Variants in INPP5F observed in about 807,000 individuals in gnomAD.
INPP5F encodes inositol polyphosphate-5-phosphatase F, also known as phosphatidylinositide 4-phosphatase SAC2.
INPP5F carries 97 observed loss-of-function variants against 137.2 expected under a neutral mutation model. The observed-to-expected ratio is 0.71, with a 90% confidence interval of 0.60 to 0.84. The LOEUF is 0.84. Among genes scored for constraint, INPP5F ranks in the 40% least tolerant of loss-of-function variants. The pLI is 0.00. For missense variants in INPP5F, 1,271 were observed against 1,371.9 expected, an observed-to-expected ratio of 0.93 and a Z score of 1.16; for synonymous variants, 504 against 476.9, an observed-to-expected ratio of 1.06 and a Z score of -0.74.
chr10:119,775,744 G>A (rs1175465830), intron 2 of INPP5F, among the ~76,000 whole-genome samples: 1 of 152,094 alleles, frequency 6.6e-6, no homozygotes, highest in African/African-American at 2.4e-5. Flanking sequence ...GGTGGATTTG[G>A]TTTGATTATA....
chr10:119,791,758 A>G (rs1273883053), intron 4 of INPP5F, 111 bp from the exon 5 acceptor site: 54 of 1,306,486 alleles, frequency 4.1e-5, no homozygotes, highest in Non-Finnish European at 4.9e-5. Context: ...TTGAAGCACC[A>G]TCTCCTTATG....
chr10:119,810,450 ATTACTCAGG>A (rs1309248261), intron 14 of INPP5F, among the ~76,000 whole-genome samples: 1 of 152,202 alleles, frequency 6.6e-6, no homozygotes, highest in Non-Finnish European at 1.5e-5. Context: ...TTGTCAGTTT[ATTACTCAGG>A]TAATAGAAAG....
intron 1 of INPP5F, among the ~76,000 whole-genome samples, chr10:119,730,570 T>C (rs1376520409): frequency 2.6e-5 from 4 of 152,216 alleles, no homozygotes; most frequent in African/African-American, 4.8e-5. Context: ...TATGGTCTTA[T>C]CTCTTTGGTC....
chr10:119,794,166 C>A (rs1239826059), intron 6 of INPP5F, among the ~76,000 whole-genome samples: 1 of 151,858 alleles, frequency 6.6e-6, no homozygotes, highest in Non-Finnish European at 1.5e-5. Context: ...GACCCTGCGG[C>A]CTTCCGCAGT....
rs1851857169 is a variant in INPP5F at position 119,828,377 on chromosome 10, C to G, written c.*597C>G. Reference sequence around the variant, plus strand: ...TCTACTTGAACACATTAAAAATACTCTGCTGCCTATACAATGTAAACCTAG... The same window carrying G: ...TCTACTTGAACACATTAAAAATACTGTGCTGCCTATACAATGTAAACCTAG... On this transcript the variant is annotated 3_prime_UTR_variant, in exon 20 of 20. Transcript: ENST00000650623. 1 of 152,600 alleles carries G rather than the reference C, an allele frequency of 6.6e-6. No homozygotes were observed. Among genetic ancestry groups the G allele is most frequent in the African/African-American group, 2.4e-5 (1 of 41,432 alleles). 9.5% of individuals were successfully genotyped at this position (152,600 alleles called of 1,614,324 possible). A position where few individuals can be genotyped will look rare whatever the true frequency, so the allele number is the denominator to read the frequency against.
chr10:119,809,988 T>C, intron 13 of INPP5F, 112 bp from the exon 14 acceptor site: 2 of 683,816 alleles, frequency 2.9e-6, no homozygotes, highest in Non-Finnish European at 5.2e-6. Flanking sequence ...AAGTCAGACC[T>C]TGGAAATTAT....
At chr10:119,742,273 G>C (rs1228054152) in intron 1 of INPP5F, among the ~76,000 whole-genome samples, 1 of 151,754 alleles carries the variant, frequency 6.6e-6, no homozygotes, top group Admixed American at 6.6e-5. Flanking sequence ...CTCTACTTTA[G>C]TTTCCCGAGT....
Position 119,796,732 on chromosome 10 carries a change from T to A in INPP5F, c.687T>A (p.Phe229Leu). The stretch of plus-strand genomic sequence containing the variant: ...GTTTTCAGACTCCAGATGTGGACTT[T>A]TGGATTATCCCCATGATCCAAGGTT... ...LTEIGTPDVD[F>L]WIIPMIQGFV... The change falls in exon 7 of 20, where the codon TTT (phenylalanine) becomes TTA (leucine). Residue 229 changes from phenylalanine to leucine, a missense_variant. Physicochemically the swap from Phe to Leu is conservative, Grantham distance 22 (BLOSUM62 0). This residue lies in a region of INPP5F where 593 missense variants were observed against 712.4 expected (regional missense o/e 0.83). Transcript: ENST00000650623. The A allele has an allele frequency of 6.2e-7, 1 of 1,613,942 alleles. No homozygotes were observed. The highest frequency in any genetic ancestry group is 8.5e-7 in the Non-Finnish European group (1 of 1,179,778).
intron 1 of INPP5F, among the ~76,000 whole-genome samples, chr10:119,741,243 T>G (rs1401659907): frequency 6.6e-6 from 1 of 152,212 alleles, no homozygotes; most frequent in Non-Finnish European, 1.5e-5. Flanking sequence ...GCTCTCTGGC[T>G]TCAGGCCCCT....
chr10:119,761,078 A>G (rs925167134), intron 2 of INPP5F, among the ~76,000 whole-genome samples: 1 of 152,172 alleles, frequency 6.6e-6, no homozygotes, highest in Non-Finnish European at 1.5e-5. Context: ...ACAAGAGTTT[A>G]TATTTTTTTA....
At chr10:119,797,014 C>T (rs1850408680) in intron 7 of INPP5F, 101 bp downstream of exon 7, 6 of 1,175,282 alleles carry the variant, frequency 5.1e-6, no homozygotes, top group Non-Finnish European at 7.4e-6. Context: ...TTTGGGAACA[C>T]AGTTGGCTTC....
At chr10:119,729,344 G>A (rs1341198501) in intron 1 of INPP5F, among the ~76,000 whole-genome samples, 1 of 151,904 alleles carries the variant, frequency 6.6e-6, no homozygotes, top group Non-Finnish European at 1.5e-5. Flanking sequence ...ATAGGGTTTC[G>A]CCATGTCGGC....
intron 15 of INPP5F, among the ~76,000 whole-genome samples, chr10:119,812,711 A>ATTAATC (rs1299262411): frequency 6.6e-6 from 1 of 152,232 alleles, no homozygotes; most frequent in Non-Finnish European, 1.5e-5. Flanking sequence ...ATCCCATGAT[A>ATTAATC]TTAATCTCAT....
chr10:119,775,739 A>G (rs560737872), intron 2 of INPP5F, among the ~76,000 whole-genome samples: 174 of 151,998 alleles, frequency 1.1e-3, no homozygotes, highest in African/African-American at 3.9e-3. Context: ...TGGTGGGTGG[A>G]TTTGGTTTGA....
At chr10:119,777,525 A>AAAAT (rs1281312122) in intron 2 of INPP5F, among the ~76,000 whole-genome samples, 1 of 152,140 alleles carries the variant, frequency 6.6e-6, no homozygotes, top group African/African-American at 2.4e-5. Flanking sequence ...ACTCTGTCTC[A>AAAAT]AAATAAATAA....
chr10:119,767,426 CAG>C (rs1377267672), intron 2 of INPP5F, among the ~76,000 whole-genome samples: 1 of 151,908 alleles, frequency 6.6e-6, no homozygotes, highest in African/African-American at 2.4e-5. Flanking sequence ...TAACCACTAA[CAG>C]AATAATAAAA....
chr10:119,779,101 G>A (rs2134174475), intron 2 of INPP5F, among the ~76,000 whole-genome samples: 1 of 152,064 alleles, frequency 6.6e-6, no homozygotes, highest in Middle Eastern at 3.4e-3. Flanking sequence ...TCTTGTTTTT[G>A]TACAAATGGG....
chr10:119,729,075 C>T (rs1847973807), intron 1 of INPP5F, among the ~76,000 whole-genome samples: 1 of 151,764 alleles, frequency 6.6e-6, no homozygotes, highest in Non-Finnish European at 1.5e-5. Context: ...TCAGTAATAT[C>T]ATTGCCTTAA....
chr10:119,733,121 T>C (rs1848131073), intron 1 of INPP5F, among the ~76,000 whole-genome samples: 1 of 152,214 alleles, frequency 6.6e-6, no homozygotes, highest in Non-Finnish European at 1.5e-5. Context: ...AAATGTATCT[T>C]TAGCTATCCT....
Sources: gnomAD v4.1 joint callset for allele counts (sites outside exome capture counted in the v4.1 genomes callset) on GRCh38, gnomAD v4.1.1 for gene constraint, gnomAD v4.1.1 regional missense constraint, MANE v1.5 for transcripts, NCBI Gene and HGNC (gene_info 2026-07-23, HGNC 2026-07-21) for gene names.